AKNAD1: variants seen among roughly 807,000 people sequenced by gnomAD.
The protein encoded by AKNAD1 is protein AKNAD1.
AKNAD1 carries 67 observed loss-of-function variants against 90.8 expected under a neutral mutation model. That is an observed-to-expected ratio of 0.74 (90% CI 0.61 to 0.90). The LOEUF (loss-of-function observed/expected upper bound fraction) is 0.90, where lower values mean the gene tolerates loss of function less well. Among genes scored for constraint, AKNAD1 ranks in the 40% least tolerant of loss-of-function variants. The pLI is 0.00. For synonymous variants in AKNAD1, 327 were observed against 341.4 expected (o/e 0.96, Z 0.46); for missense variants, 957 against 975.4 (o/e 0.98, Z 0.25).
chr1:108,850,589 C>G (rs1318985336), intron 2 of AKNAD1, among the ~76,000 whole-genome samples: 1 of 151,532 alleles, frequency 6.6e-6, no homozygotes, highest in East Asian at 1.9e-4. Context: ...CCCAGGCATT[C>G]AGTTGAAAGA....
chr1:108,832,413 CAG>C (rs1322291375), intron 9 of AKNAD1, among the ~76,000 whole-genome samples: 1 of 151,824 alleles, frequency 6.6e-6, no homozygotes, highest in South Asian at 2.1e-4. Context: ...TTAGTAGAAA[CAG>C]AGTTTCACCA....
chr1:108,849,168 A>G, intron 3 of AKNAD1, 108 bp from the exon 4 acceptor site: 1 of 1,044,364 alleles, frequency 9.6e-7, no homozygotes, highest in Non-Finnish European at 1.3e-6. Flanking sequence ...TACTATTTTT[A>G]AAATTTAATT....
chr1:108,819,335 T>A (rs755712657), intron 14 of AKNAD1, among the ~76,000 whole-genome samples: 2 of 151,948 alleles, frequency 1.3e-5, no homozygotes, highest in Non-Finnish European at 2.9e-5. Flanking sequence ...CTTAATTGGG[T>A]GGGCCTGCCA....
chr1:108,845,767 T>G (rs1348435836), intron 5 of AKNAD1, among the ~76,000 whole-genome samples: 1 of 152,156 alleles, frequency 6.6e-6, no homozygotes, highest in Non-Finnish European at 1.5e-5. Context: ...ATATTGATGT[T>G]GGACAAGGTA....
In AKNAD1 at chr1:108,852,897, C is replaced by CGG; in HGVS notation, c.-103-131_-103-130insCC. ...AACAGGAAGGCAGGAAGCTCAACCA[C>CGG]AAGCTGACCCAACCTCAATCCACAC... On this transcript the variant is annotated intron_variant, in intron 1 of 15. Coordinates refer to ENST00000370001, the MANE Select transcript of AKNAD1 (RefSeq NM_152763.5). 2.8e-5 allele frequency: 10 copies of CGG among 362,148 alleles called. No individual in the cohort carries two copies. In the South Asian group the frequency reaches 8.6e-4, roughly 31 times the overall value. The allele number at this position is 362,148 out of a possible 1,614,324, so 22.4% of individuals were successfully genotyped here.
rs1277207 is a variant in AKNAD1 at position 108,852,483 on chromosome 1, C to T, written c.182G>A (p.Ser61Asn). ...CACAGCTGTATTTCCACAAGTCTCA[C>T]TATGCATAGCCTTCTCTTGAGGGTC... Reference protein sequence around the residue: ...ADDPQEKAMHSETCGNTAVTI... With the variant: ...ADDPQEKAMHNETCGNTAVTI... Residue 61 changes from serine to asparagine, a missense_variant, in exon 2 of 16, where the codon AGT (serine) becomes AAT (asparagine). Physicochemically the swap from Ser to Asn is conservative, Grantham distance 46 (BLOSUM62 1). Coordinates refer to ENST00000370001, the MANE Select transcript of AKNAD1 (RefSeq NM_152763.5). 0.82 allele frequency: 1,326,092 copies of T among 1,613,720 alleles called. 545,610 individuals carry two copies. The highest frequency in any genetic ancestry group is 0.93 in the East Asian group (41,566 of 44,884).
chr1:108,844,724 A>G (rs1439839822), intron 5 of AKNAD1, among the ~76,000 whole-genome samples: 2 of 152,214 alleles, frequency 1.3e-5, no homozygotes, highest in Non-Finnish European at 2.9e-5. Context: ...CATCTGTAAA[A>G]TTAAGGTAAT....
chr1:108,826,731 C>CTT (rs1557827086), intron 11 of AKNAD1, among the ~76,000 whole-genome samples: 17 of 130,004 alleles, frequency 1.3e-4, no homozygotes, highest in African/African-American at 4.9e-4. Context: ...TTTTTCTTTT[C>CTT]TTTTCTTTTT....
Position 108,851,808 on chromosome 1 carries a change from G to C in AKNAD1, c.857C>G (p.Ala286Gly). The C allele has an allele frequency of 6.2e-7, 1 of 1,614,118 alleles. No homozygotes were observed. Among genetic ancestry groups the C allele is most frequent in the Non-Finnish European group, 8.5e-7 (1 of 1,180,014 alleles). The change falls in exon 2 of 16, where the codon GCC (alanine) becomes GGC (glycine). Residue 286 changes from alanine (A) to glycine (G), a missense_variant. Physicochemically the swap from Ala to Gly is moderately conservative, Grantham distance 60 (BLOSUM62 0). Transcript: ENST00000370001. The part of the protein sequence containing the change: ...INKPLAIAKQ[A>G]SFSSKSRDKP... ...ATCTCTCGACTTGGAAGAAAAGCTG[G>C]CTTGTTTAGCTATTGCAAGTGGTTT...
chr1:108,827,374 T>C (rs1196732727), intron 10 of AKNAD1, 72 bp from the exon 11 acceptor site: 6 of 1,175,260 alleles, frequency 5.1e-6, no homozygotes, highest in Admixed American at 3.5e-5. Flanking sequence ...TTTGGTAAAG[T>C]TGAAACGTTA....
intron 14 of AKNAD1, among the ~76,000 whole-genome samples, chr1:108,818,247 T>G (rs1006717144): frequency 6.6e-6 from 1 of 152,236 alleles, no homozygotes; most frequent in Non-Finnish European, 1.5e-5. Flanking sequence ...CTGTTAAGCA[T>G]TACTTTGGTG....
intron 9 of AKNAD1, 52 bp downstream of exon 9, chr1:108,834,395 A>T: frequency 6.8e-7 from 1 of 1,460,832 alleles, no homozygotes. Flanking sequence ...GGTTTTAGTT[A>T]AAGAGCCAAC....
At chr1:108,857,945 C>T (rs1286331682), upstream of AKNAD1, 1 of 152,388 alleles carries the variant, frequency 6.6e-6, no homozygotes, top group Non-Finnish European at 1.5e-5. Context: ...GTACATTATC[C>T]ATCAATTTTT....
At position 108,851,748 on chromosome 1, in the gene AKNAD1, G is replaced by A. The variant is rs201744011; in HGVS notation, c.917C>T (p.Thr306Met). 171 of 1,612,278 alleles carry A rather than the reference G, an allele frequency of 1.1e-4. No homozygotes were observed. The highest frequency in any genetic ancestry group is 2.5e-4 in the Admixed American group (15 of 59,586). Reference sequence around the variant, plus strand: ...TTTTTCAACACAGTTTGACTCAGGCGTGGTTTCTAGACTATCTTGCACAAG... The same window carrying A: ...TTTTTCAACACAGTTTGACTCAGGCATGGTTTCTAGACTATCTTGCACAAG... ...PTLVQDSLET[T>M]PESNCVEKQH... The change falls in exon 2 of 16, where the codon ACG becomes ATG. Residue 306 changes from threonine (T) to methionine (M), a missense_variant. Thr to Met is a moderately conservative substitution (Grantham distance 81, BLOSUM62 -1). Coordinates refer to ENST00000370001, the MANE Select transcript of AKNAD1 (RefSeq NM_152763.5).
chr1:108,840,787 A>G (rs1319997776), intron 6 of AKNAD1, among the ~76,000 whole-genome samples: 1 of 152,240 alleles, frequency 6.6e-6, no homozygotes, highest in African/African-American at 2.4e-5. Context: ...TGAAAAAAAC[A>G]AAGTGATAAT....
chr1:108,835,098 C>A, intron 7 of AKNAD1, 42 bp from the exon 8 acceptor site: 1 of 1,561,198 alleles, frequency 6.4e-7, no homozygotes, highest in South Asian at 1.2e-5. Flanking sequence ...GAGCCACAGT[C>A]CCACTGGAGG....
At chr1:108,822,183 A>T (rs557399332) in intron 13 of AKNAD1, among the ~76,000 whole-genome samples, 25 of 152,190 alleles carry the variant, frequency 1.6e-4, no homozygotes, top group Non-Finnish European at 3.1e-4. Flanking sequence ...CAGTGTACAG[A>T]TCTACAGCTT....
chr1:108,820,557 G>C lies in AKNAD1; in HGVS notation c.2237C>G (p.Pro746Arg), dbSNP rs1663779209. ...AAATAATACTTACTTTCCTGGTGTGGGCTCATGTTCACCTTTAAAGGATTT... is the reference window on the plus strand; with the variant it reads ...AAATAATACTTACTTTCCTGGTGTGCGCTCATGTTCACCTTTAAAGGATTT... ...NSKSFKGEHE[P>R]TPGKKKLQAF... Residue 746 changes from proline to arginine, a missense_variant, in exon 14 of 16, where the codon CCC (proline) becomes CGC (arginine). Pro to Arg is a moderately radical substitution (Grantham distance 103). Transcript: ENST00000370001. The C allele has an allele frequency of 6.2e-7, 1 of 1,603,770 alleles. No homozygotes were observed. Among genetic ancestry groups the C allele is most frequent in the Admixed American group, 1.7e-5 (1 of 59,848 alleles).
At chr1:108,839,961 T>C (rs114486048) in intron 6 of AKNAD1, among the ~76,000 whole-genome samples, 2,052 of 151,966 alleles carry the variant, frequency 0.014, 41 homozygotes, top group African/African-American at 0.046. Flanking sequence ...GAGTTTGAGG[T>C]TGCAATGAGC....
Sources: gnomAD v4.1 joint callset for allele counts (sites outside exome capture counted in the v4.1 genomes callset) on GRCh38, gnomAD v4.1.1 for gene constraint, MANE v1.5 for transcripts, NCBI Gene and HGNC (gene_info 2026-07-23, HGNC 2026-07-21) for gene names.